The following GALNT13 variants were observed in gnomAD, a reference collection of about 807,000 sequenced individuals.
The protein encoded by GALNT13 is UDP-GalNAc:polypeptide N-acetylgalactosaminyltransferase 13.
A neutral mutation model predicts 64.2 loss-of-function variants in GALNT13; 28 were observed. That is an observed-to-expected ratio of 0.44 (90% CI 0.32 to 0.60). The LOEUF (loss-of-function observed/expected upper bound fraction) is 0.60, where lower values mean the gene tolerates loss of function less well. Among genes scored for constraint, GALNT13 ranks in the 20% least tolerant of loss-of-function variants. The pLI is 0.05. For synonymous variants in GALNT13, 214 were observed against 224.6 expected (o/e 0.95, Z 0.42); for missense variants, 577 against 669.8 (o/e 0.86, Z 1.53).
At chr2:154,032,816 A>T (rs1698420975) in intron 3 of GALNT13, among the ~76,000 whole-genome samples, 1 of 149,674 alleles carries the variant, frequency 6.7e-6, no homozygotes, top group Admixed American at 6.6e-5. Context: ...TGGAAAGCTC[A>T]GTGCTTTTCC....
chr2:153,520,824 T>A, the GALNT13 span, among the ~76,000 whole-genome samples: 9 of 152,174 alleles, frequency 5.9e-5, no homozygotes, highest in Non-Finnish European at 1.0e-4. Context: ...TCTGAATAAT[T>A]TCCTTTCCGT....
chr2:154,153,946 C>A (rs545619732), intron 4 of GALNT13, among the ~76,000 whole-genome samples: 1 of 152,180 alleles, frequency 6.6e-6, no homozygotes, highest in South Asian at 2.1e-4. Context: ...CACTGTCCTG[C>A]GTCCATTGTC....
At chr2:153,769,017 A>T in the GALNT13 span, among the ~76,000 whole-genome samples, 1 of 152,092 alleles carries the variant, frequency 6.6e-6, no homozygotes, top group Non-Finnish European at 1.5e-5. Context: ...TCTCTTGTAT[A>T]CAGAAAATGG....
the GALNT13 span, among the ~76,000 whole-genome samples, chr2:153,560,422 A>G: frequency 2.6e-5 from 4 of 152,070 alleles, no homozygotes; most frequent in Non-Finnish European, 5.9e-5. Context: ...CCCAGGTTAA[A>G]AAAAAACATT....
chr2:153,659,332 A>G, the GALNT13 span, among the ~76,000 whole-genome samples: 15 of 152,164 alleles, frequency 9.9e-5, no homozygotes, highest in African/African-American at 3.6e-4. Flanking sequence ...ATTAGATTTC[A>G]CTTCATTTCA....
At chr2:153,356,760 A>C in the GALNT13 span, among the ~76,000 whole-genome samples, 19 of 151,732 alleles carry the variant, frequency 1.3e-4, no homozygotes, top group Non-Finnish European at 2.1e-4. Context: ...GAGACAAAGA[A>C]ATAGAGATCT....
chr2:154,443,106 C>T (rs375893497), intron 12 of GALNT13, among the ~76,000 whole-genome samples: 2 of 151,940 alleles, frequency 1.3e-5, no homozygotes, highest in East Asian at 1.9e-4. Flanking sequence ...CAGCCATTCC[C>T]CTGTGTAGCA....
intron 4 of GALNT13, among the ~76,000 whole-genome samples, chr2:154,145,744 G>A (rs1683553624): frequency 6.6e-6 from 1 of 151,894 alleles, no homozygotes; most frequent in Non-Finnish European, 1.5e-5. Flanking sequence ...GCTCTCAAAG[G>A]ACAAAGAATT....
chr2:153,447,176 T>G, the GALNT13 span, among the ~76,000 whole-genome samples: 1 of 152,202 alleles, frequency 6.6e-6, no homozygotes, highest in Non-Finnish European at 1.5e-5. Context: ...ATCTCTAAGT[T>G]TATTATTGCA....
chr2:153,153,344 A>G, the GALNT13 span, among the ~76,000 whole-genome samples: 1 of 151,910 alleles, frequency 6.6e-6, no homozygotes, highest in Non-Finnish European at 1.5e-5. Context: ...TTCCCATTTT[A>G]TAGGTTGTTT....
the GALNT13 span, among the ~76,000 whole-genome samples, chr2:153,686,634 A>C: frequency 6.6e-6 from 1 of 151,710 alleles, no homozygotes; most frequent in Non-Finnish European, 1.5e-5. Flanking sequence ...CTCTTTATTT[A>C]TTTCTCTTGT....
rs1689524017 is a variant in GALNT13, at chr2:154,242,150, C to T, written c.432C>T (p.His144=). 1 of 1,613,014 alleles carries T rather than the reference C, an allele frequency of 6.2e-7. No homozygotes were observed. Among genetic ancestry groups the T allele is most frequent in the East Asian group, 2.2e-5 (1 of 44,780 alleles). ...TVYSVINRSP[H]YLLSEVILVD... is the part of the protein sequence containing the mutation. ...ACAGTGTGATAAATCGTTCCCCACACTATCTACTCTCAGAGGTCATCTTGG... is the reference window on the plus strand; with the variant it reads ...ACAGTGTGATAAATCGTTCCCCACATTATCTACTCTCAGAGGTCATCTTGG... The change falls in exon 5 of 13, where the codon CAC becomes CAT. Residue 144 remains histidine, a synonymous_variant. Transcript: ENST00000392825.
At chr2:153,932,153 C>T (rs1264898694) in intron 2 of GALNT13, among the ~76,000 whole-genome samples, 2 of 152,002 alleles carry the variant, frequency 1.3e-5, no homozygotes, top group Non-Finnish European at 2.9e-5. Flanking sequence ...TCCTTTGTCA[C>T]TTATGATTGT....
the GALNT13 span, among the ~76,000 whole-genome samples, chr2:153,266,598 G>T: frequency 1.3e-5 from 2 of 151,822 alleles, no homozygotes; most frequent in Admixed American, 1.3e-4. Flanking sequence ...TCGAGTGCAG[G>T]GGGAAAAGTG....
chr2:154,129,896 C>T (rs1032490480), intron 3 of GALNT13, among the ~76,000 whole-genome samples: 1 of 152,018 alleles, frequency 6.6e-6, no homozygotes, highest in South Asian at 2.1e-4. Flanking sequence ...TACCAGCTGG[C>T]GAACCTGTTA....
chr2:153,101,505 T>G, the GALNT13 span, among the ~76,000 whole-genome samples: 1 of 152,218 alleles, frequency 6.6e-6, no homozygotes, highest in East Asian at 1.9e-4. Context: ...ACTTTTGAGA[T>G]AGTATTCTTC....
the GALNT13 span, among the ~76,000 whole-genome samples, chr2:153,128,462 C>T: frequency 4.7e-3 from 708 of 151,978 alleles, 6 homozygotes; most frequent in Non-Finnish European, 7.2e-3. Context: ...CAATTATTTC[C>T]CATGGGGTAC....
At chr2:153,562,796 C>T in the GALNT13 span, among the ~76,000 whole-genome samples, 5 of 151,944 alleles carry the variant, frequency 3.3e-5, no homozygotes, top group Non-Finnish European at 5.9e-5. Context: ...TGTTTGTTGC[C>T]AATGCAATTA....
chr2:154,201,479 C>T (rs538122526), intron 4 of GALNT13, among the ~76,000 whole-genome samples: 82 of 152,172 alleles, frequency 5.4e-4, no homozygotes, highest in African/African-American at 1.8e-3. Context: ...ACATTAGTAA[C>T]GATGACACAC....
Sources: gnomAD v4.1 joint callset for allele counts (sites outside exome capture counted in the v4.1 genomes callset) on GRCh38, gnomAD v4.1.1 for gene constraint, MANE v1.5 for transcripts, NCBI Gene and HGNC (gene_info 2026-07-23, HGNC 2026-07-21) for gene names.